USP13: variants seen among roughly 807,000 people sequenced by gnomAD.
USP13 encodes ubiquitin carboxyl-terminal hydrolase 13.
In USP13, 68 loss-of-function variants were observed where a neutral mutation model predicts 107.8. The ratio of observed to expected loss-of-function variants is 0.63; its 90% CI spans 0.52 to 0.77. USP13 has a LOEUF of 0.77. USP13 is among the 30% of genes least tolerant of loss of function. USP13 has a pLI of 0.00. For synonymous variants in USP13, 377 were observed against 389.5 expected, an observed-to-expected ratio of 0.97 and a Z score of 0.38; for missense variants, 945 against 1,093.3, an observed-to-expected ratio of 0.86 and a Z score of 1.91.
At chr3:179,723,994 AT>A (rs200927696) in intron 8 of USP13, among the ~76,000 whole-genome samples, 17 of 150,714 alleles carry the variant, frequency 1.1e-4, no homozygotes, top group African/African-American at 2.4e-4. Context: ...CCCTACAAAA[AT>A]TTAAAAAAAA....
At chr3:179,748,920 G>C (rs1560073339) in intron 13 of USP13, among the ~76,000 whole-genome samples, 1 of 152,148 alleles carries the variant, frequency 6.6e-6, no homozygotes, top group Non-Finnish European at 1.5e-5. Context: ...TTCTTTACAG[G>C]GTTGGGGTAA....
Position 179,690,318 on chromosome 3 carries a change from A to C in USP13, c.355+17A>C. On this transcript the variant is annotated intron_variant, in intron 3 of 20. Coordinates refer to ENST00000263966, the MANE Select transcript of USP13 (RefSeq NM_003940.3). ...TTTTTTTAGGTAAATAGTTATCAGT[A>C]GCATGCTCAGATTTTGTGTTTGTGT... 6.2e-7 allele frequency: 1 copy of C among 1,611,244 alleles called. No homozygotes were observed. Among genetic ancestry groups the C allele is most frequent in the Non-Finnish European group, 8.5e-7 (1 of 1,177,760 alleles).
Position 179,761,167 on chromosome 3 carries a change from G to C in USP13, c.2004G>C (p.Leu668=). The change falls in exon 17 of 21, where the codon CTG becomes CTC. Residue 668 remains leucine (L), a synonymous_variant. Transcript: ENST00000263966. The part of the protein sequence containing the change: ...VMQLAEMGFP[L]EACRKAVYFT... ...AGCTGGCCGAGATGGGTTTCCCGCT[G>C]GAAGCATGTCGCAAGGCTGTGTACT... 1 of 1,614,178 alleles carries C rather than the reference G, an allele frequency of 6.2e-7. No homozygotes were observed. Among genetic ancestry groups the C allele is most frequent in the Non-Finnish European group, 8.5e-7 (1 of 1,180,036 alleles).
chr3:179,754,589 C>A, intron 14 of USP13, 143 bp from the exon 15 acceptor site: 1 of 1,140,248 alleles, frequency 8.8e-7, no homozygotes, highest in East Asian at 2.9e-5. Context: ...TCTTCATGAA[C>A]CTGCTGGTCG....
rs115045024 is a variant in USP13, at chr3:179,671,685, T to C, written c.169-10193T>C. Reference sequence around the variant, plus strand: ...ATAAATTATTTGGCAAATCTGTTCTTGGCCATTTGGGTTACTTCTTTTTAT... The same window carrying C: ...ATAAATTATTTGGCAAATCTGTTCTCGGCCATTTGGGTTACTTCTTTTTAT... On this transcript the variant is annotated intron_variant, in intron 1 of 20. Coordinates refer to ENST00000263966, the MANE Select transcript of USP13 (RefSeq NM_003940.3). Among the ~76,000 whole-genome samples the C allele has an allele frequency of 6.5e-3, 989 of 152,318 alleles. 12 individuals carry two copies. Among genetic ancestry groups the C allele is most frequent in the African/African-American group, 0.023 (955 of 41,578 alleles).
chr3:179,764,245 C>G (rs1458885122), intron 18 of USP13, 77 bp downstream of exon 18: 1 of 1,503,400 alleles, frequency 6.7e-7, no homozygotes. Context: ...TGAGACTTTC[C>G]AATGTACTTT....
chr3:179,700,212 C>G (rs774662613), intron 3 of USP13, among the ~76,000 whole-genome samples: 2 of 152,120 alleles, frequency 1.3e-5, no homozygotes, highest in African/African-American at 2.4e-5. Flanking sequence ...GCTAGAGGAG[C>G]TCATCTTCCT....
chr3:179,752,378 G>A lies in USP13; in HGVS notation c.1798+5G>A, dbSNP rs1714643809. The stretch of plus-strand genomic sequence containing the variant: ...ACTGGGTTCCCAAAAAATTTGGTAG[G>A]TATCTTTTGCGTGCTTTTGCTTAAA... On this transcript the variant is annotated splice_donor_5th_base_variant and intron_variant, in intron 14 of 20. Coordinates refer to ENST00000263966, the MANE Select transcript of USP13 (RefSeq NM_003940.3). 6.2e-7 allele frequency: 1 copy of A among 1,610,264 alleles called. No individual in the cohort carries two copies. The highest frequency in any genetic ancestry group is 8.5e-7 in the Non-Finnish European group (1 of 1,176,564).
chr3:179,720,664 T>G (rs964651811), intron 7 of USP13, among the ~76,000 whole-genome samples: 3 of 152,212 alleles, frequency 2.0e-5, no homozygotes, highest in Non-Finnish European at 4.4e-5. Context: ...TAGTTTTTTC[T>G]GCTCTTCTTT....
intron 8 of USP13, among the ~76,000 whole-genome samples, chr3:179,729,668 T>C (rs558204349): frequency 1.3e-5 from 2 of 152,208 alleles, no homozygotes; most frequent in African/African-American, 4.8e-5. Flanking sequence ...GATGGGGTTT[T>C]GCTGTGTTAG....
rs1046178840 is a variant in USP13 at position 179,653,208 on chromosome 3, C to T, written c.-18C>T. On this transcript the variant is annotated 5_prime_UTR_variant, in exon 1 of 21. Coordinates refer to ENST00000263966, the MANE Select transcript of USP13 (RefSeq NM_003940.3). This position sits in a 1 kb window ranked among gnomAD's most constrained non-coding sequence, Gnocchi z 4.0. ...CGGCTCCGGCTCGGCTCGCTCGGCT[C>T]CGGTGCGCGCCGAGGCCATGCAGCG... 3.4e-6 allele frequency: 5 copies of T among 1,481,950 alleles called. No homozygotes were observed. In the African/African-American group the frequency reaches 5.8e-5, roughly 17 times the overall value. The allele number at this position is 1,481,950 out of a possible 1,614,324, so 91.8% of individuals were successfully genotyped here.
At chr3:179,686,073 G>T (rs1711862405) in intron 2 of USP13, among the ~76,000 whole-genome samples, 1 of 152,036 alleles carries the variant, frequency 6.6e-6, no homozygotes, top group Non-Finnish European at 1.5e-5. Flanking sequence ...CACATTTTGG[G>T]CCTTTCCTCT....
Position 179,663,208 on chromosome 3 carries a change from C to T in USP13, c.168+9815C>T, listed in dbSNP as rs1043627320. Among the ~76,000 whole-genome samples the T allele has an allele frequency of 3.3e-5, 5 of 152,202 alleles. No homozygotes were observed. The East Asian group carries it at 7.7e-4, about 23-fold the overall frequency. On this transcript the variant is annotated intron_variant, in intron 1 of 20. Coordinates refer to ENST00000263966, the MANE Select transcript of USP13 (RefSeq NM_003940.3). The stretch of plus-strand genomic sequence containing the variant: ...ACTTTTTGTCTCTAAGATTTGGCCA[C>T]TCTAGGTACTTTATACAAGTGGAAT...
chr3:179,773,432 G>A (rs975393886), intron 19 of USP13, among the ~76,000 whole-genome samples: 7 of 152,136 alleles, frequency 4.6e-5, no homozygotes, highest in African/African-American at 1.4e-4. Context: ...TAAATAATGC[G>A]TCATGCCCTG....
intron 4 of USP13, among the ~76,000 whole-genome samples, chr3:179,704,665 C>T (rs1024263181): frequency 6.6e-6 from 1 of 152,118 alleles, no homozygotes; most frequent in African/African-American, 2.4e-5. Flanking sequence ...GAACTCAGCT[C>T]TATTTTCTAT....
intron 1 of USP13, among the ~76,000 whole-genome samples, chr3:179,658,441 C>G (rs191357369): frequency 6.6e-6 from 1 of 152,176 alleles, no homozygotes; most frequent in East Asian, 1.9e-4. Context: ...ATTCTGCCCC[C>G]CTCCCCACCT....
intron 1 of USP13, among the ~76,000 whole-genome samples, chr3:179,659,767 G>A (rs750820379): frequency 8.5e-5 from 13 of 152,124 alleles, no homozygotes; most frequent in South Asian, 4.1e-4. Flanking sequence ...GGCTGGGCGC[G>A]GTGGCTCACA....
At chr3:179,655,569 T>TTTTTTTTTTTTTTTTG (rs1720232692) in intron 1 of USP13, among the ~76,000 whole-genome samples, 1 of 148,074 alleles carries the variant, frequency 6.8e-6, no homozygotes, top group African/African-American at 2.6e-5. Flanking sequence ...TTTGTTTTGT[T>TTTTTTTTTTTTTTTTG]TTTTTTTTGA....
chr3:179,786,585 T>A lies in USP13; in HGVS notation c.*2444T>A, dbSNP rs1334602192. 1 of 155,084 alleles carries A rather than the reference T, an allele frequency of 6.4e-6. No individual in the cohort carries two copies. Among genetic ancestry groups the A allele is most frequent in the African/African-American group, 2.4e-5 (1 of 41,504 alleles). The allele number at this position is 155,084 out of a possible 1,614,324, so 9.6% of individuals were successfully genotyped here. ...TATATGTGCTATTCTTTACTTCAGA[T>A]TGAGAGTTGGGAAAAACTGGAGTAA... is the stretch of plus-strand genomic sequence containing the variant. On this transcript the variant is annotated 3_prime_UTR_variant, in exon 21 of 21. Coordinates refer to ENST00000263966, the MANE Select transcript of USP13 (RefSeq NM_003940.3).
Sources: allele counts gnomAD v4.1 joint callset (sites outside exome capture counted in the v4.1 genomes callset), GRCh38; gene constraint gnomAD v4.1.1; non-coding constraint Gnocchi (gnomAD v3.1); transcripts MANE v1.5; gene names NCBI Gene and HGNC (gene_info 2026-07-23, HGNC 2026-07-21).